NOS1AP: variants seen among roughly 807,000 people sequenced by gnomAD.
The protein encoded by NOS1AP is nitric oxide synthase 1 adaptor protein.
Under a neutral mutation model 56.2 loss-of-function variants are expected in NOS1AP, and 21 were observed. That is an observed-to-expected ratio of 0.37 (90% CI 0.26 to 0.54). The LOEUF is 0.54. Ranked by LOEUF, NOS1AP falls within the 20% of genes least tolerant of loss-of-function variation. The probability of loss-of-function intolerance (pLI) is 0.84; values close to 1 mark genes in which losing one functional copy is unlikely to be tolerated. For missense variants in NOS1AP, 522 were observed against 657.8 expected (o/e 0.79, Z 2.26); for synonymous variants, 270 against 274.6 (o/e 0.98, Z 0.17).
intron 1 of NOS1AP, among the ~76,000 whole-genome samples, chr1:162,123,022 G>A (rs529029947): frequency 3.3e-5 from 5 of 152,186 alleles, no homozygotes; most frequent in South Asian, 4.1e-4. Context: ...TCTATTCGAC[G>A]AGTATTTATT....
intron 3 of NOS1AP, among the ~76,000 whole-genome samples, chr1:162,299,012 C>T (rs1328295898): frequency 6.6e-6 from 1 of 152,168 alleles, no homozygotes; most frequent in Non-Finnish European, 1.5e-5. Flanking sequence ...ATATTTATGT[C>T]ATAAAGATTT....
At chr1:162,145,166 G>A (rs1387020070) in intron 1 of NOS1AP, among the ~76,000 whole-genome samples, 1 of 146,582 alleles carries the variant, frequency 6.8e-6, no homozygotes, top group Non-Finnish European at 1.5e-5. Context: ...AGAAATATAA[G>A]TGCCTCATTC....
chr1:162,128,527 T>A lies in NOS1AP; in HGVS notation c.106-25878T>A, dbSNP rs188457464. 2.0e-5 allele frequency among the ~76,000 whole-genome samples: 3 copies of A among 152,338 alleles called. No individual in the cohort carries two copies. The East Asian group carries it at 5.8e-4, about 29-fold the overall frequency. ...AATGAAATAAATATTCAATGTTATA[T>A]TAAATATTGATAATTTTCTTCATCA... On this transcript the variant is annotated intron_variant, in intron 1 of 9. Transcript: ENST00000361897.
intron 2 of NOS1AP, among the ~76,000 whole-genome samples, chr1:162,209,092 A>C (rs1652257956): frequency 6.6e-6 from 1 of 152,238 alleles, no homozygotes; most frequent in African/African-American, 2.4e-5. Flanking sequence ...TTAAAAGAAT[A>C]AGCTTATGGG....
chr1:162,245,285 GCAT>G (rs1653625878), intron 2 of NOS1AP, among the ~76,000 whole-genome samples: 1 of 152,190 alleles, frequency 6.6e-6, no homozygotes, highest in Non-Finnish European at 1.5e-5. Flanking sequence ...CAGATGCTGA[GCAT>G]CATTAGTCTT....
At chr1:162,365,107 GC>G in intron 8 of NOS1AP, 1 of 1,355,056 alleles carries the variant, frequency 7.4e-7, no homozygotes, top group Non-Finnish European at 9.5e-7. Context: ...TGTGTGTGTG[GC>G]AGGTCTAGAG....
intron 2 of NOS1AP, among the ~76,000 whole-genome samples, chr1:162,168,609 CT>C (rs1650616644): frequency 6.6e-6 from 1 of 151,622 alleles, no homozygotes; most frequent in South Asian, 2.1e-4. Context: ...GATGCACAAG[CT>C]GTCATTGTGC....
At chr1:162,162,147 G>A (rs1650253907) in intron 2 of NOS1AP, among the ~76,000 whole-genome samples, 1 of 152,200 alleles carries the variant, frequency 6.6e-6, no homozygotes, top group Non-Finnish European at 1.5e-5. Flanking sequence ...TGTCATTTGA[G>A]TTTATCATTC....
chr1:162,134,484 C>A, intron 1 of NOS1AP, among the ~76,000 whole-genome samples: 1 of 90,950 alleles, frequency 1.1e-5, no homozygotes, highest in South Asian at 4.4e-4. Context: ...GAGACTTTGT[C>A]TAAAAAAAAA....
chr1:162,070,121 C>T lies in NOS1AP; in HGVS notation c.-57C>T. 2 of 1,435,140 alleles carry T rather than the reference C, an allele frequency of 1.4e-6. No individual in the cohort carries two copies. Among genetic ancestry groups the T allele is most frequent in the Non-Finnish European group, 2.0e-6 (2 of 1,018,972 alleles). 88.9% of individuals were successfully genotyped at this position (1,435,140 alleles called of 1,614,324 possible). On this transcript the variant is annotated 5_prime_UTR_variant, in exon 1 of 10. Coordinates refer to ENST00000361897, the MANE Select transcript of NOS1AP (RefSeq NM_014697.3). ...CTCCAGTCTCCCCTCCCCGGGGTCT[C>T]GCCAGCCCCTTCCTGCAGCCGCCGC...
At position 162,267,231 on chromosome 1, in the gene NOS1AP, T is replaced by A. The variant is rs371713895; in HGVS notation, c.178-20113T>A. ...AGATAATTATCTATCTCCAAACTAA[T>A]GTTTGGAGTGAAAAAAGTCTGCTTC... On this transcript the variant is annotated intron_variant, in intron 2 of 9. Coordinates refer to ENST00000361897, the MANE Select transcript of NOS1AP (RefSeq NM_014697.3). Among the ~76,000 whole-genome samples the A allele has an allele frequency of 3.9e-5, 6 of 152,292 alleles. No homozygotes were observed. The East Asian group carries it at 1.2e-3, about 29-fold the overall frequency.
At chr1:162,299,420 T>G (rs1393926513) in intron 3 of NOS1AP, among the ~76,000 whole-genome samples, 1 of 152,168 alleles carries the variant, frequency 6.6e-6, no homozygotes, top group Non-Finnish European at 1.5e-5. Context: ...CTGGAAGACT[T>G]GTCTAGTGAG....
chr1:162,151,431 T>G (rs1392366851), intron 1 of NOS1AP, among the ~76,000 whole-genome samples: 1 of 152,260 alleles, frequency 6.6e-6, no homozygotes, highest in Non-Finnish European at 1.5e-5. Context: ...TATAGCCTAA[T>G]TTGAAGTCAG....
intron 2 of NOS1AP, among the ~76,000 whole-genome samples, chr1:162,156,769 T>G (rs186966048): frequency 5.1e-4 from 77 of 152,270 alleles, no homozygotes; most frequent in African/African-American, 1.8e-3. Flanking sequence ...TTTTATTATT[T>G]TATTTATTAT....
chr1:162,320,135 A>G (rs1374299713), intron 4 of NOS1AP, among the ~76,000 whole-genome samples: 1 of 152,122 alleles, frequency 6.6e-6, no homozygotes, highest in Non-Finnish European at 1.5e-5. Flanking sequence ...AGAAGCCAAT[A>G]TGGGGCCAAG....
intron 4 of NOS1AP, among the ~76,000 whole-genome samples, chr1:162,301,617 G>T (rs1052459360): frequency 3.3e-5 from 5 of 152,176 alleles, no homozygotes; most frequent in Admixed American, 1.3e-4. Flanking sequence ...ATATCAGATA[G>T]CAAGAACATA....
chr1:162,099,290 C>A (rs955729159), intron 1 of NOS1AP, among the ~76,000 whole-genome samples: 3 of 151,942 alleles, frequency 2.0e-5, no homozygotes, highest in Non-Finnish European at 2.9e-5. Flanking sequence ...CGGGTTCACG[C>A]CATTCTCCTG....
At chr1:162,273,440 C>T (rs1441165863) in intron 2 of NOS1AP, among the ~76,000 whole-genome samples, 1 of 152,240 alleles carries the variant, frequency 6.6e-6, no homozygotes, top group Non-Finnish European at 1.5e-5. Context: ...GCTGGTATTA[C>T]AGGCGTGAGC....
chr1:162,166,616 G>A (rs1650510760), intron 2 of NOS1AP, among the ~76,000 whole-genome samples: 1 of 152,140 alleles, frequency 6.6e-6, no homozygotes, highest in Non-Finnish European at 1.5e-5. Context: ...AGAGACCTTT[G>A]TTTCTGCATG....
Sources: allele counts gnomAD v4.1 joint callset (sites outside exome capture counted in the v4.1 genomes callset), GRCh38; gene constraint gnomAD v4.1.1; transcripts MANE v1.5; gene names NCBI Gene and HGNC (gene_info 2026-07-23, HGNC 2026-07-21).